Variants in UNC5D observed in about 807,000 individuals in gnomAD.
The protein encoded by UNC5D is netrin receptor UNC5D.
In UNC5D, 39 loss-of-function variants were observed where a neutral mutation model predicts 105.4. The observed-to-expected ratio is 0.37, with a 90% CI of 0.29 to 0.48. The LOEUF (loss-of-function observed/expected upper bound fraction) is 0.48. UNC5D is among the 20% of genes least tolerant of loss of function. The pLI is 0.98. For missense variants in UNC5D, 991 were observed against 1,202.4 expected (o/e 0.82, Z 2.60); for synonymous variants, 452 against 450.4 (o/e 1.00, Z -0.04).
rs187378608 is a variant in UNC5D at position 35,667,128 on chromosome 8, G to A, written c.571-16419G>A. On this transcript the variant is annotated intron_variant, in intron 4 of 16. Transcript: ENST00000404895. The stretch of plus-strand genomic sequence containing the variant: ...CTTTAGACTTTTTTTTTCAAACTTG[G>A]AACATGTATTTGTTTAATGAAAATA... 6.1e-4 allele frequency among the ~76,000 whole-genome samples: 92 copies of A among 151,868 alleles called. 1 individual carries two copies. The highest frequency in any genetic ancestry group is 1.2e-3 in the South Asian group (6 of 4,824).
intron 1 of UNC5D, among the ~76,000 whole-genome samples, chr8:35,377,881 A>G (rs575577267): frequency 2.0e-5 from 3 of 152,208 alleles, no homozygotes; most frequent in East Asian, 3.9e-4. Context: ...TCTGTGTTCT[A>G]TGTCCTTTAT....
intron 2 of UNC5D, among the ~76,000 whole-genome samples, chr8:35,558,373 G>A (rs1816706283): frequency 6.6e-6 from 1 of 152,048 alleles, no homozygotes; most frequent in South Asian, 2.1e-4. Context: ...GTAACACAAT[G>A]TTAAGATAAA....
At chr8:35,459,385 A>C (rs1469936392) in intron 1 of UNC5D, among the ~76,000 whole-genome samples, 1 of 152,126 alleles carries the variant, frequency 6.6e-6, no homozygotes, top group Non-Finnish European at 1.5e-5. Flanking sequence ...TCAATTTTAA[A>C]ATTTTTGGCC....
chr8:35,663,467 G>A (rs187289214), intron 4 of UNC5D, among the ~76,000 whole-genome samples: 1 of 152,304 alleles, frequency 6.6e-6, no homozygotes, highest in East Asian at 1.9e-4. Context: ...CTGGCTTAAA[G>A]GTAGCATGTG....
intron 1 of UNC5D, among the ~76,000 whole-genome samples, chr8:35,534,437 A>G (rs1814679439): frequency 6.6e-6 from 1 of 152,004 alleles, no homozygotes; most frequent in African/African-American, 2.4e-5. Context: ...TGTGACATCC[A>G]CTATAAACAC....
At chr8:35,482,766 C>A in intron 1 of UNC5D, among the ~76,000 whole-genome samples, 1 of 132,030 alleles carries the variant, frequency 7.6e-6, no homozygotes, top group Non-Finnish European at 1.6e-5. Flanking sequence ...ACTACAATTA[C>A]TTATATCAGT....
intron 1 of UNC5D, among the ~76,000 whole-genome samples, chr8:35,300,322 C>A (rs1056667957): frequency 5.9e-5 from 9 of 151,678 alleles, no homozygotes; most frequent in African/African-American, 9.7e-5. Flanking sequence ...GTGGCACGTG[C>A]CTGTAGTTCC....
At chr8:35,624,304 A>G (rs1401413919) in intron 4 of UNC5D, among the ~76,000 whole-genome samples, 2 of 152,190 alleles carry the variant, frequency 1.3e-5, no homozygotes, top group East Asian at 1.9e-4. Context: ...TACCTATGCA[A>G]TCTTCTAATT....
At chr8:35,754,965 A>C (rs1015588387) in intron 13 of UNC5D, among the ~76,000 whole-genome samples, 38 of 152,342 alleles carry the variant, frequency 2.5e-4, no homozygotes, top group African/African-American at 8.9e-4. Context: ...TGAGAAAAGA[A>C]TAAGAAGACA....
At chr8:35,702,477 C>T (rs1427258801) in intron 7 of UNC5D, among the ~76,000 whole-genome samples, 1 of 152,030 alleles carries the variant, frequency 6.6e-6, no homozygotes, top group Non-Finnish European at 1.5e-5. Context: ...CACCAAGAAC[C>T]ATGGCCCTAA....
intron 1 of UNC5D, among the ~76,000 whole-genome samples, chr8:35,486,376 A>T (rs756084413): frequency 1.1e-4 from 17 of 152,158 alleles, no homozygotes; most frequent in Non-Finnish European, 1.5e-5. Flanking sequence ...AATGAAGTTC[A>T]ATACTAATAC....
intron 8 of UNC5D, among the ~76,000 whole-genome samples, chr8:35,720,570 T>C (rs1354332421): frequency 1.3e-5 from 2 of 152,190 alleles, no homozygotes; most frequent in African/African-American, 4.8e-5. Flanking sequence ...AGACACTTAA[T>C]TGAGTAGAGG....
At chr8:35,612,723 C>CTTTTTTTTTTGTTTT (rs1820767064) in intron 4 of UNC5D, among the ~76,000 whole-genome samples, 1 of 64,742 alleles carries the variant, frequency 1.5e-5, no homozygotes, top group Non-Finnish European at 2.6e-5. Flanking sequence ...AATGTTTTGC[C>CTTTTTTTTTTGTTTT]TTTTTTTTTT....
intron 1 of UNC5D, among the ~76,000 whole-genome samples, chr8:35,303,503 G>A (rs1808113941): frequency 1.3e-5 from 2 of 152,266 alleles, no homozygotes; most frequent in South Asian, 4.1e-4. Flanking sequence ...AAGGCTTAGA[G>A]CTCATAAGTG....
intron 1 of UNC5D, among the ~76,000 whole-genome samples, chr8:35,268,220 C>T (rs1412662983): frequency 6.6e-6 from 1 of 151,950 alleles, no homozygotes; most frequent in Admixed American, 6.6e-5. Context: ...ATTTCAGTAT[C>T]TTCTGATTCT....
At chr8:35,552,463 A>C (rs564106258) in intron 2 of UNC5D, among the ~76,000 whole-genome samples, 1 of 152,348 alleles carries the variant, frequency 6.6e-6, no homozygotes, top group African/African-American at 2.4e-5. Flanking sequence ...TTATGAATCT[A>C]TTTAGGGTTT....
intron 1 of UNC5D, among the ~76,000 whole-genome samples, chr8:35,448,912 C>A (rs1427751789): frequency 2.0e-5 from 3 of 151,976 alleles, no homozygotes; most frequent in African/African-American, 7.3e-5. Context: ...GCCTCCAGTT[C>A]CATCCATGTT....
chr8:35,472,521 G>A (rs1809803189), intron 1 of UNC5D, among the ~76,000 whole-genome samples: 1 of 152,242 alleles, frequency 6.6e-6, no homozygotes, highest in African/African-American at 2.4e-5. Flanking sequence ...CTATAACCTT[G>A]TGTTTTTAGG....
intron 4 of UNC5D, among the ~76,000 whole-genome samples, chr8:35,632,877 T>C (rs1822127117): frequency 6.6e-6 from 1 of 152,328 alleles, no homozygotes; most frequent in Admixed American, 6.5e-5. Flanking sequence ...ACAGTTTCTT[T>C]GGAGCCCCTT....
Sources: allele counts gnomAD v4.1 joint callset (sites outside exome capture counted in the v4.1 genomes callset), GRCh38; gene constraint gnomAD v4.1.1; transcripts MANE v1.5; gene names NCBI Gene and HGNC (gene_info 2026-07-23, HGNC 2026-07-21).